Variants in MAST4 observed in about 807,000 individuals in gnomAD.
MAST4 encodes microtubule associated serine/threonine kinase family member 4, also known as microtubule-associated serine/threonine-protein kinase 4.
MAST4 carries 89 observed loss-of-function variants against 162.7 expected under a neutral mutation model. That is an observed-to-expected ratio of 0.55 (90% CI 0.46 to 0.65). MAST4 has a LOEUF of 0.65. Among genes scored for constraint, MAST4 ranks in the 30% least tolerant of loss-of-function variants. MAST4 has a pLI of 0.00. For missense variants in MAST4, 3,153 were observed against 3,374.0 expected (o/e 0.93, Z 1.62); for synonymous variants, 1,479 against 1,361.1 (o/e 1.09, Z -1.91).
chr5:67,070,333 T>C (rs1469984120), intron 5 of MAST4, among the ~76,000 whole-genome samples: 3 of 152,134 alleles, frequency 2.0e-5, no homozygotes, highest in Admixed American at 6.6e-5. Context: ...TGTGAAGCTG[T>C]TTATTTCATC....
At chr5:66,796,509 G>A (rs992442579) in intron 3 of MAST4, among the ~76,000 whole-genome samples, 2 of 152,140 alleles carry the variant, frequency 1.3e-5, no homozygotes, top group Non-Finnish European at 2.9e-5. Context: ...GGGTCTCTGC[G>A]TGGGTGTGCC....
chr5:67,152,705 T>G lies in MAST4; in HGVS notation c.3364T>G (p.Ser1122Ala). Residue 1122 changes from serine (S) to alanine (A), a missense_variant, in exon 25 of 29, where the codon TCA becomes GCA. Coordinates refer to ENST00000403625, the MANE Select transcript of MAST4 (RefSeq NM_001164664.2). ...PHSLSSDPSS[S>A]RDSSPSRDSS... ...TTCCCTGTCCTCGGACCCTTCTTCT[T>G]CACGAGATTCCTCTCCCAGCCGAGA... 6.2e-7 allele frequency: 1 copy of G among 1,614,046 alleles called. No individual in the cohort carries two copies. Among genetic ancestry groups the G allele is most frequent in the Non-Finnish European group, 8.5e-7 (1 of 1,179,878 alleles).
intron 2 of MAST4, among the ~76,000 whole-genome samples, chr5:66,763,830 C>G (rs935650968): frequency 2.0e-5 from 3 of 152,026 alleles, no homozygotes; most frequent in African/African-American, 7.2e-5. Flanking sequence ...ATATTTTTTA[C>G]TTCTGATGGG....
chr5:67,072,445 A>G (rs1761102746), intron 5 of MAST4, among the ~76,000 whole-genome samples: 1 of 152,202 alleles, frequency 6.6e-6, no homozygotes. Context: ...CTAATGGCCA[A>G]TGTCTTACTT....
chr5:66,761,442 C>T (rs1753845390), intron 2 of MAST4, among the ~76,000 whole-genome samples: 1 of 152,136 alleles, frequency 6.6e-6, no homozygotes, highest in Non-Finnish European at 1.5e-5. Flanking sequence ...ACTTTTTCCT[C>T]TAGATATAAA....
chr5:66,656,346 T>A (rs138764089), intron 1 of MAST4, among the ~76,000 whole-genome samples: 47 of 152,232 alleles, frequency 3.1e-4, no homozygotes, highest in Non-Finnish European at 5.7e-4. Flanking sequence ...TCCTCAGAAA[T>A]TGCCTGTTTG....
chr5:67,163,464 A>C lies in MAST4; in HGVS notation c.4285A>C (p.Arg1429=). Residue 1429 remains arginine, a synonymous_variant, in exon 29 of 29, where the codon AGG becomes CGG. Transcript: ENST00000403625. The surrounding 1 kb of genome is among the most constrained non-coding windows in gnomAD (Gnocchi z 7.0). ...SPPTIVRHIV[R]PKSAEPPRSP... ...GCCCACCATCGTCAGACACATCGTG[A>C]GGCCCAAGAGTGCGGAGCCCCCCAG... is the stretch of plus-strand genomic sequence containing the variant. 1.2e-6 allele frequency: 2 copies of C among 1,613,508 alleles called. No individual in the cohort carries two copies. Among genetic ancestry groups the C allele is most frequent in the South Asian group, 2.2e-5 (2 of 91,054 alleles).
chr5:66,648,083 T>TGTGTGTGA lies in MAST4; in HGVS notation c.363+51066_363+51067insTGTGTGAG, dbSNP rs1229070126. ...GTGTGTGTGTGTGTGTGTGTGTGTG[T>TGTGTGTGA]GAGAGAGAGAGAGAGAGAGAGATTT... is the stretch of plus-strand genomic sequence containing the variant. On this transcript the variant is annotated intron_variant, in intron 1 of 28. Transcript: ENST00000403625. 8.0e-5 allele frequency among the ~76,000 whole-genome samples: 7 copies of TGTGTGTGA among 87,166 alleles called. No homozygotes were observed. The East Asian group carries it at 1.4e-3, about 17-fold the overall frequency. The allele number at this position is 87,166 out of a possible 152,430, so 57.2% of individuals were successfully genotyped here.
chr5:66,753,990 G>A (rs892273481), intron 1 of MAST4, among the ~76,000 whole-genome samples: 1 of 151,472 alleles, frequency 6.6e-6, no homozygotes, highest in Non-Finnish European at 1.5e-5. Flanking sequence ...TGCAAGGCTG[G>A]TTCAATATAT....
At position 66,854,599 on chromosome 5, in the gene MAST4, G is replaced by A. The variant is rs552671360; in HGVS notation, c.643-45352G>A. Reference sequence around the variant, plus strand: ...GCATGACAACTCACTTCCATCAGACGGAGCATGGGAGAGGGCAAGAGAGGG... The same window carrying A: ...GCATGACAACTCACTTCCATCAGACAGAGCATGGGAGAGGGCAAGAGAGGG... On this transcript the variant is annotated intron_variant, in intron 3 of 28. Coordinates refer to ENST00000403625, the MANE Select transcript of MAST4 (RefSeq NM_001164664.2). 2.6e-5 allele frequency among the ~76,000 whole-genome samples: 4 copies of A among 152,128 alleles called. No individual in the cohort carries two copies. The South Asian group carries it at 8.3e-4, about 32-fold the overall frequency.
At chr5:67,089,675 G>T (rs1333364483) in intron 5 of MAST4, among the ~76,000 whole-genome samples, 8 of 152,160 alleles carry the variant, frequency 5.3e-5, no homozygotes, top group African/African-American at 1.9e-4. Flanking sequence ...ATGTGCTTCA[G>T]AATATGAGGA....
chr5:67,080,681 TAATC>T (rs1272511042), intron 5 of MAST4, among the ~76,000 whole-genome samples: 1 of 151,994 alleles, frequency 6.6e-6, no homozygotes, highest in Non-Finnish European at 1.5e-5. Context: ...TTGCTTCTGA[TAATC>T]AGTTGTTGAA....
At chr5:66,696,445 C>T (rs1043354247) in intron 1 of MAST4, among the ~76,000 whole-genome samples, 8 of 152,146 alleles carry the variant, frequency 5.3e-5, no homozygotes, top group African/African-American at 1.7e-4. Flanking sequence ...CCTAGTCACA[C>T]CCACTCATTC....
chr5:66,688,330 C>A (rs1748824575), intron 1 of MAST4, among the ~76,000 whole-genome samples: 1 of 152,198 alleles, frequency 6.6e-6, no homozygotes, highest in Non-Finnish European at 1.5e-5. Context: ...TAGGAATGTC[C>A]TGGCAGTCAT....
chr5:66,599,952 CATT>C (rs1742449873), intron 1 of MAST4, among the ~76,000 whole-genome samples: 1 of 149,178 alleles, frequency 6.7e-6, no homozygotes, highest in Non-Finnish European at 1.5e-5. Flanking sequence ...TTTACAGTAA[CATT>C]GTATCAAATT....
At chr5:67,141,036 G>A (rs925858694) in intron 19 of MAST4, among the ~76,000 whole-genome samples, 2 of 152,098 alleles carry the variant, frequency 1.3e-5, no homozygotes, top group African/African-American at 4.8e-5. Flanking sequence ...GTGCTAGAGG[G>A]GTCCAATGAG....
At chr5:66,611,309 T>C (rs1214231170) in intron 1 of MAST4, among the ~76,000 whole-genome samples, 1 of 152,242 alleles carries the variant, frequency 6.6e-6, no homozygotes, top group Non-Finnish European at 1.5e-5. Context: ...AAGTGTGTGT[T>C]TTTAGGGGCC....
intron 3 of MAST4, among the ~76,000 whole-genome samples, chr5:66,843,130 T>C (rs1033999958): frequency 4.6e-5 from 7 of 152,144 alleles, no homozygotes; most frequent in Admixed American, 1.3e-4. Flanking sequence ...CAAAACCTCT[T>C]TTATATTGTT....
At chr5:66,908,027 A>C (rs79877915) in intron 4 of MAST4, among the ~76,000 whole-genome samples, 5,664 of 152,292 alleles carry the variant, frequency 0.037, 186 homozygotes, top group East Asian at 0.11. Context: ...GAAACCCAAA[A>C]ACAAAACGAA....
Sources: allele counts gnomAD v4.1 joint callset (sites outside exome capture counted in the v4.1 genomes callset), GRCh38; gene constraint gnomAD v4.1.1; non-coding constraint Gnocchi (gnomAD v3.1); transcripts MANE v1.5; gene names NCBI Gene and HGNC (gene_info 2026-07-23, HGNC 2026-07-21).